Variants in NT5C2 observed in about 807,000 individuals in gnomAD.
NT5C2 encodes the protein 5'-nucleotidase, cytosolic II, also known as cytosolic purine 5'-nucleotidase.
Under a neutral mutation model 76.1 loss-of-function variants are expected in NT5C2, and 58 were observed. The ratio of observed to expected loss-of-function variants is 0.76; its 90% CI spans 0.62 to 0.95. The LOEUF is 0.95. NT5C2 is among the 40% of genes least tolerant of loss of function. The pLI is 0.00. For missense variants in NT5C2, 478 were observed against 690.3 expected (o/e 0.69, Z 3.45); for synonymous variants, 229 against 237.4 (o/e 0.96, Z 0.32).
At chr10:103,189,900 C>A (rs1468516253) in intron 1 of NT5C2, among the ~76,000 whole-genome samples, 1 of 151,690 alleles carries the variant, frequency 6.6e-6, no homozygotes, top group Non-Finnish European at 1.5e-5. Context: ...GAACTCCTGA[C>A]CTCAGGTGAT....
intron 4 of NT5C2, among the ~76,000 whole-genome samples, chr10:103,126,845 T>C (rs2076760370): frequency 6.6e-6 from 1 of 152,154 alleles, no homozygotes; most frequent in Non-Finnish European, 1.5e-5. Context: ...AAGGTCTTGA[T>C]GTATCACCCA....
At chr10:103,183,137 A>T (rs1271973858) in intron 1 of NT5C2, among the ~76,000 whole-genome samples, 1 of 151,804 alleles carries the variant, frequency 6.6e-6, no homozygotes, top group African/African-American at 2.4e-5. Flanking sequence ...TGTAGTTAAC[A>T]GTGTCACCTA....
intron 17 of NT5C2, 45 bp downstream of exon 17, chr10:103,090,891 T>TTTAAACTTATTTC: frequency 6.2e-7 from 1 of 1,604,252 alleles, no homozygotes; most frequent in Non-Finnish European, 8.5e-7. Flanking sequence ...GAAAAAAGCA[T>TTTAAACTTATTTC]TTAAACTTAT....
At chr10:103,098,901 T>C (rs1207432036) in intron 10 of NT5C2, 30 bp downstream of exon 10, 2 of 1,448,684 alleles carry the variant, frequency 1.4e-6, no homozygotes, top group Non-Finnish European at 1.9e-6. Context: ...TGAGCTATTA[T>C]GCAGATCTAT....
chr10:103,089,780 C>T lies in NT5C2; in HGVS notation c.1578G>A (p.Arg526=). 3 of 1,614,016 alleles carry T rather than the reference C, an allele frequency of 1.9e-6. No homozygotes were observed. Among genetic ancestry groups the T allele is most frequent in the Non-Finnish European group, 2.5e-6 (3 of 1,179,982 alleles). Residue 526 remains arginine (R), a synonymous_variant, in exon 19 of 19, where the codon CGG becomes CGA. Transcript: ENST00000404739. ...DTDYKRHQLT[R]SISEIKPPNL... is the part of the protein sequence containing the mutation. ...TGGGAGGTTTAATCTCACTAATTGA[C>T]CGTGTCAGCTGGTGCCGCTTGTAGT...
intron 4 of NT5C2, among the ~76,000 whole-genome samples, chr10:103,128,213 T>C (rs1321364575): frequency 2.7e-5 from 4 of 148,938 alleles, no homozygotes; most frequent in Non-Finnish European, 6.0e-5. Context: ...GTGCCTGCCA[T>C]TGCAGGCACG....
Position 103,125,203 on chromosome 10 carries a change from T to G in NT5C2, c.175+14203A>C, listed in dbSNP as rs528828970. The G allele has an allele frequency of 1.7e-4, 125 of 746,756 alleles. 2 individuals carry two copies. In the East Asian group the frequency reaches 2.4e-3, roughly 14 times the overall value. The allele number at this position is 746,756 out of a possible 1,614,324, so 46.3% of individuals were successfully genotyped here. A position where few individuals can be genotyped will look rare whatever the true frequency, so the allele number is the denominator to read the frequency against. On this transcript the variant is annotated intron_variant, in intron 4 of 18. Coordinates refer to ENST00000404739, the MANE Select transcript of NT5C2 (RefSeq NM_001351169.2). The stretch of plus-strand genomic sequence containing the variant: ...TGGGACTCATCCCTCCACACCTGTT[T>G]AGCCTGCCTGTGAGGTTCACTACAA...
chr10:103,183,773 C>T lies in NT5C2; in HGVS notation c.-168-2445G>A, dbSNP rs78533530. 4.1e-3 allele frequency among the ~76,000 whole-genome samples: 615 copies of T among 151,844 alleles called. 20 individuals carry two copies. The East Asian group carries it at 0.072, about 18-fold the overall frequency. On this transcript the variant is annotated intron_variant, in intron 1 of 18. Coordinates refer to ENST00000404739, the MANE Select transcript of NT5C2 (RefSeq NM_001351169.2). ...GTTACACTAAAAAGCCAGACCACTG[C>T]TATGCTATATATCCAAAACTGTACC...
intron 2 of NT5C2, among the ~76,000 whole-genome samples, chr10:103,179,607 A>G (rs530541137): frequency 3.9e-5 from 6 of 151,944 alleles, no homozygotes; most frequent in African/African-American, 1.5e-4. Context: ...AGGCTGAGAC[A>G]GGAGGATCGC....
At chr10:103,154,546 C>T (rs2082988336) in intron 3 of NT5C2, among the ~76,000 whole-genome samples, 1 of 152,090 alleles carries the variant, frequency 6.6e-6, no homozygotes, top group South Asian at 2.1e-4. Context: ...CCAGCTCCTC[C>T]ACTTTCTGGC....
chr10:103,108,184 T>C (rs2071900910), intron 4 of NT5C2, among the ~76,000 whole-genome samples: 2 of 152,092 alleles, frequency 1.3e-5, no homozygotes, highest in Non-Finnish European at 2.9e-5. Flanking sequence ...AAAGAAAATG[T>C]TGCTCCTTTA....
intron 3 of NT5C2, among the ~76,000 whole-genome samples, chr10:103,142,918 G>T (rs1411249914): frequency 1.3e-5 from 2 of 151,064 alleles, no homozygotes; most frequent in African/African-American, 4.9e-5. Flanking sequence ...AGACCCGGGA[G>T]GCAGAGGTTG....
chr10:103,095,985 A>G lies in NT5C2; in HGVS notation c.772-5T>C, dbSNP rs767103332. 1.9e-6 allele frequency: 3 copies of G among 1,602,370 alleles called. No homozygotes were observed. The highest frequency in any genetic ancestry group is 2.6e-6 in the Non-Finnish European group (3 of 1,170,344). On this transcript the variant is annotated splice_polypyrimidine_tract_variant and splice_region_variant and intron_variant, in intron 11 of 18. Transcript: ENST00000404739. ...AAACAGGTAAGTCATAATTTTCTGGAAAAAAAAATTTAACATAAGGTCCAT... is the reference window on the plus strand; with the variant it reads ...AAACAGGTAAGTCATAATTTTCTGGGAAAAAAAATTTAACATAAGGTCCAT...
chr10:103,103,117 A>C (rs1309152788), intron 6 of NT5C2, among the ~76,000 whole-genome samples: 1 of 152,246 alleles, frequency 6.6e-6, no homozygotes, highest in Non-Finnish European at 1.5e-5. Context: ...CACAGTTCTG[A>C]CAGTGAATAC....
At chr10:103,129,172 G>A (rs1472596638) in intron 4 of NT5C2, among the ~76,000 whole-genome samples, 1 of 105,424 alleles carries the variant, frequency 9.5e-6, no homozygotes, top group Non-Finnish European at 2.1e-5. Flanking sequence ...GGAGGTGAGG[G>A]GTGCCTCTGC....
chr10:103,168,273 C>A (rs1054976273), intron 3 of NT5C2, among the ~76,000 whole-genome samples: 8 of 152,120 alleles, frequency 5.3e-5, no homozygotes, highest in Non-Finnish European at 8.8e-5. Context: ...TATGATAAAA[C>A]CACTGCTAAA....
chr10:103,158,339 A>G (rs2083923996), intron 3 of NT5C2, among the ~76,000 whole-genome samples: 4 of 152,062 alleles, frequency 2.6e-5, no homozygotes, highest in Non-Finnish European at 5.9e-5. Context: ...GAAGAACAAA[A>G]TCAACCCAAA....
intron 4 of NT5C2, among the ~76,000 whole-genome samples, chr10:103,129,562 CGGGA>C (rs2077567237): frequency 2.0e-5 from 2 of 99,538 alleles, no homozygotes; most frequent in African/African-American, 4.3e-5. Flanking sequence ...CCGCCCCGTC[CGGGA>C]GGGAGGTGGG....
At position 103,095,999 on chromosome 10, in the gene NT5C2, CA is replaced by C. The variant is rs772851948; in HGVS notation, c.772-20del. 2.0e-5 allele frequency: 32 copies of C among 1,598,970 alleles called. No individual in the cohort carries two copies. Among genetic ancestry groups the C allele is most frequent in the Non-Finnish European group, 2.7e-5 (31 of 1,166,602 alleles). On this transcript the variant is annotated intron_variant, in intron 11 of 18. Coordinates refer to ENST00000404739, the MANE Select transcript of NT5C2 (RefSeq NM_001351169.2). ...TAATTTTCTGGAAAAAAAAATTTAA[CA>C]TAAGGTCCATATACTACTTTTGCAA...
Sources: allele counts gnomAD v4.1 joint callset (sites outside exome capture counted in the v4.1 genomes callset), GRCh38; gene constraint gnomAD v4.1.1; transcripts MANE v1.5; gene names NCBI Gene and HGNC (gene_info 2026-07-23, HGNC 2026-07-21).